Variants in GFOD2 observed in about 807,000 individuals in gnomAD.
GFOD2 encodes glucose-fructose oxidoreductase domain-containing protein 2.
In GFOD2, 9 loss-of-function variants were observed where a neutral mutation model predicts 24.6. The observed-to-expected ratio is 0.37, with a 90% confidence interval of 0.22 to 0.64. The LOEUF is 0.64. Ranked by LOEUF, GFOD2 falls within the 30% of genes least tolerant of loss-of-function variation. The pLI is 0.65. For synonymous variants in GFOD2, 211 were observed against 224.8 expected (o/e 0.94, Z 0.55); for missense variants, 476 against 532.5 (o/e 0.89, Z 1.04).
chr16:67,716,856 T>C (rs761760609), intron 1 of GFOD2, among the ~76,000 whole-genome samples: 1 of 152,150 alleles, frequency 6.6e-6, no homozygotes, highest in Non-Finnish European at 1.5e-5. Flanking sequence ...TACCCATAGT[T>C]ATGGTATGAT....
chr16:67,694,935 T>C (rs892858328), intron 1 of GFOD2, among the ~76,000 whole-genome samples: 4 of 151,936 alleles, frequency 2.6e-5, no homozygotes, highest in African/African-American at 9.7e-5. Context: ...TGGTAAACTG[T>C]CTGTGGCCAC....
intron 2 of GFOD2, chr16:67,681,615 G>T: frequency 1.6e-6 from 1 of 608,458 alleles, no homozygotes; most frequent in Non-Finnish European, 2.1e-6. Flanking sequence ...TCATCATGTT[G>T]CTCAGGCTGG....
rs905357444 is a variant in GFOD2 at position 67,715,064 on chromosome 16, C to CT, written c.-88+4098dup. Among the ~76,000 whole-genome samples, 208 of 147,044 alleles carry CT rather than the reference C, an allele frequency of 1.4e-3. 2 individuals carry two copies. Among genetic ancestry groups the CT allele is most frequent in the African/African-American group, 2.3e-3 (92 of 40,232 alleles). On this transcript the variant is annotated intron_variant, in intron 1 of 2. Transcript: ENST00000268797. ...TTAATGTTTAATCCATATTTTCTTT[C>CT]TTTTTTTTTTTGAGACGTACTTTCG...
chr16:67,699,077 T>G (rs1288803015), intron 1 of GFOD2, among the ~76,000 whole-genome samples: 2 of 152,074 alleles, frequency 1.3e-5, no homozygotes, highest in Non-Finnish European at 2.9e-5. Flanking sequence ...GCGTGGTGGC[T>G]CACACCTGTA....
At chr16:67,706,006 G>A (rs1436930461) in intron 1 of GFOD2, among the ~76,000 whole-genome samples, 27 of 136,220 alleles carry the variant, frequency 2.0e-4, no homozygotes, top group African/African-American at 6.9e-4. Flanking sequence ...TTTTGGAGAC[G>A]GAGTCTTGCT....
rs187179935 is a variant in GFOD2, at chr16:67,714,883, T to C, written c.-88+4280A>G. Among the ~76,000 whole-genome samples, 775 of 151,962 alleles carry C rather than the reference T, an allele frequency of 5.1e-3. 24 individuals are homozygous for C. Among genetic ancestry groups the C allele is most frequent in the Non-Finnish European group, 8.1e-4 (55 of 67,972 alleles). ...CAGGACTATCCAGGGTCCCAAAGAGTATATACATTTTATCACTGGCTACCT... is the reference window on the plus strand; with the variant it reads ...CAGGACTATCCAGGGTCCCAAAGAGCATATACATTTTATCACTGGCTACCT... On this transcript the variant is annotated intron_variant, in intron 1 of 2. Transcript: ENST00000268797.
chr16:67,702,890 G>T (rs1249685336), intron 1 of GFOD2, among the ~76,000 whole-genome samples: 1 of 151,970 alleles, frequency 6.6e-6, no homozygotes, highest in South Asian at 2.1e-4. Flanking sequence ...AAGACACTGC[G>T]CCCGGCCAGT....
intron 1 of GFOD2, among the ~76,000 whole-genome samples, chr16:67,700,368 C>A (rs1358165232): frequency 1.3e-5 from 2 of 151,150 alleles, no homozygotes; most frequent in Admixed American, 6.6e-5. Context: ...CAGTGAGACT[C>A]CGTCTCAAAA....
intron 1 of GFOD2, among the ~76,000 whole-genome samples, chr16:67,694,441 G>A (rs2053342431): frequency 2.0e-5 from 3 of 152,066 alleles, no homozygotes; most frequent in Admixed American, 2.0e-4. Context: ...CACTGAGCCT[G>A]GCTTTTTAAT....
Position 67,675,953 on chromosome 16 carries a change from T to C in GFOD2, c.360A>G (p.Val120=). 1.2e-6 allele frequency: 2 copies of C among 1,614,200 alleles called. No individual in the cohort carries two copies. The highest frequency in any genetic ancestry group is 1.7e-6 in the Non-Finnish European group (2 of 1,180,044). ...CAGGCAGGAAGCGCAGCACGTTCCC[T>C]ACCAGGCTCATGAGCTGCGGGTAGT... The part of the protein sequence containing the change: ...SRYYPQLMSL[V]GNVLRFLPAF... Residue 120 remains valine, a synonymous_variant, in exon 3 of 3, where the codon GTA becomes GTG. Transcript: ENST00000268797.
Position 67,675,522 on chromosome 16 carries a change from C to T in GFOD2, c.791G>A (p.Gly264Glu). ...GTTCTTCTGCCCATAGAGGTCGGCT[C>T]CCCGGGCGACGAGGCGTCCTGCAGA... is the stretch of plus-strand genomic sequence containing the variant. ...VGSAGRLVAR[G>E]ADLYGQKNSA... Residue 264 changes from glycine to glutamate, a missense_variant, in exon 3 of 3, where the codon GGA becomes GAA. Coordinates refer to ENST00000268797, the MANE Select transcript of GFOD2 (RefSeq NM_030819.4). 1.2e-6 allele frequency: 2 copies of T among 1,612,614 alleles called. No individual in the cohort carries two copies. The highest frequency in any genetic ancestry group is 1.7e-6 in the Non-Finnish European group (2 of 1,180,002).
chr16:67,700,330 G>A (rs750046280), intron 1 of GFOD2, among the ~76,000 whole-genome samples: 6 of 151,548 alleles, frequency 4.0e-5, no homozygotes, highest in South Asian at 2.1e-4. Flanking sequence ...AGCTGAGATC[G>A]TGCCACTGCA....
chr16:67,686,872 C>T (rs1188649117), intron 1 of GFOD2, among the ~76,000 whole-genome samples: 1 of 151,254 alleles, frequency 6.6e-6, no homozygotes, highest in African/African-American at 2.4e-5. Context: ...GGAGGCCGGG[C>T]GTGGTGGCTC....
At chr16:67,700,231 C>T (rs1326932788) in intron 1 of GFOD2, among the ~76,000 whole-genome samples, 4 of 151,636 alleles carry the variant, frequency 2.6e-5, no homozygotes, top group East Asian at 1.9e-4. Context: ...AAAAATTAGC[C>T]GGTCATGACA....
chr16:67,700,174 G>C (rs961301602), intron 1 of GFOD2, among the ~76,000 whole-genome samples: 1 of 151,960 alleles, frequency 6.6e-6, no homozygotes, highest in African/African-American at 2.4e-5. Context: ...AGGAGTTTGC[G>C]ACCAGCCTGG....
rs180910114 is a variant in GFOD2, at chr16:67,686,529, C to T, written c.-87-727G>A. 4.5e-3 allele frequency among the ~76,000 whole-genome samples: 684 copies of T among 152,054 alleles called. 6 individuals carry two copies. The highest frequency in any genetic ancestry group is 0.015 in the African/African-American group (638 of 41,476). ...TAAAAGTTCATGATTCTATATATGA[C>T]AAAGAAAAGAAGAGTGGAGGCCAGG... On this transcript the variant is annotated intron_variant, in intron 1 of 2. Transcript: ENST00000268797.
chr16:67,698,283 C>T (rs60769312), intron 1 of GFOD2, among the ~76,000 whole-genome samples: 21,309 of 152,166 alleles, frequency 0.14, 1,738 homozygotes, highest in African/African-American at 0.22. Flanking sequence ...CCCACTCCGT[C>T]ATTGCACCTA....
In GFOD2 at chr16:67,674,538, T is replaced by C. The variant is rs1597787818; in HGVS notation, c.*617A>G. Reference sequence around the variant, plus strand: ...AACAAAAACCACATGCCATGTCCTATTTTCTGAATTATTTATTAACATTTC... The same window carrying C: ...AACAAAAACCACATGCCATGTCCTACTTTCTGAATTATTTATTAACATTTC... On this transcript the variant is annotated 3_prime_UTR_variant, in exon 3 of 3. Coordinates refer to ENST00000268797, the MANE Select transcript of GFOD2 (RefSeq NM_030819.4). 6.6e-6 allele frequency: 1 copy of C among 152,326 alleles called. No homozygotes were observed. Among genetic ancestry groups the C allele is most frequent in the Admixed American group, 6.5e-5 (1 of 15,290 alleles). The allele number at this position is 152,326 out of a possible 1,614,324, so 9.4% of individuals were successfully genotyped here.
chr16:67,696,471 G>T (rs1443503922), intron 1 of GFOD2, among the ~76,000 whole-genome samples: 2 of 151,624 alleles, frequency 1.3e-5, no homozygotes, highest in Admixed American at 1.3e-4. Context: ...CAACAGAATG[G>T]ACTAGAATTT....
Sources: gnomAD v4.1 joint callset for allele counts (sites outside exome capture counted in the v4.1 genomes callset) on GRCh38, gnomAD v4.1.1 for gene constraint, MANE v1.5 for transcripts, NCBI Gene and HGNC (gene_info 2026-07-23, HGNC 2026-07-21) for gene names.